The following GMDS variants were observed in gnomAD, a reference collection of about 807,000 sequenced individuals.
The protein encoded by GMDS is GDP-mannose 4,6 dehydratase.
A neutral mutation model predicts 49.9 loss-of-function variants in GMDS; 20 were observed. The ratio of observed to expected loss-of-function variants is 0.40; its 90% CI spans 0.28 to 0.58. GMDS has a LOEUF of 0.58. Among genes scored for constraint, GMDS ranks in the 20% least tolerant of loss-of-function variants. The pLI, the probability that GMDS is intolerant of heterozygous loss-of-function variation, is 0.42. For synonymous variants in GMDS, 177 were observed against 178.6 expected (o/e 0.99, Z 0.07); for missense variants, 362 against 481.4 (o/e 0.75, Z 2.32).
intron 4 of GMDS, among the ~76,000 whole-genome samples, chr6:2,025,864 T>C (rs1400938875): frequency 1.3e-5 from 2 of 152,158 alleles, no homozygotes; most frequent in Admixed American, 1.3e-4. Context: ...TAATCAGCTC[T>C]GTAAATTAGA....
At chr6:2,041,279 G>C (rs1044934853) in intron 4 of GMDS, among the ~76,000 whole-genome samples, 1 of 152,158 alleles carries the variant, frequency 6.6e-6, no homozygotes, top group Non-Finnish European at 1.5e-5. Context: ...AATGCCTAAG[G>C]CAGTACTTGT....
In GMDS at chr6:1,933,605, C is replaced by T. The variant is rs150967940; in HGVS notation, c.644-3375G>A. Among the ~76,000 whole-genome samples the T allele has an allele frequency of 2.4e-3, 364 of 152,350 alleles. 1 individual carries two copies. Among genetic ancestry groups the T allele is most frequent in the Non-Finnish European group, 3.6e-3 (248 of 68,022 alleles). On this transcript the variant is annotated intron_variant, in intron 6 of 10. Coordinates refer to ENST00000380815, the MANE Select transcript of GMDS (RefSeq NM_001500.4). ...CTTATTGTGGTTCCGATGTGTCCTT[C>T]TCAATAACTAATCATATGAAGCAAC...
intron 9 of GMDS, among the ~76,000 whole-genome samples, chr6:1,698,912 G>C (rs981841579): frequency 6.6e-6 from 1 of 151,686 alleles, no homozygotes; most frequent in African/African-American, 2.4e-5. Flanking sequence ...ATTGTGAAGA[G>C]GCAGTGCCAC....
At chr6:2,006,227 G>A (rs2127388212) in intron 4 of GMDS, among the ~76,000 whole-genome samples, 1 of 151,174 alleles carries the variant, frequency 6.6e-6, no homozygotes, top group East Asian at 1.9e-4. Context: ...TTTGAGACTG[G>A]CCTGGGAAAC....
At chr6:2,117,705 A>C (rs1256740689) in intron 2 of GMDS, 149 bp from the exon 3 acceptor site, 3 of 602,224 alleles carry the variant, frequency 5.0e-6, no homozygotes, top group Non-Finnish European at 9.0e-6. Flanking sequence ...CTCCCCAACC[A>C]CTGTCCACCA....
intron 7 of GMDS, among the ~76,000 whole-genome samples, chr6:1,808,231 T>C (rs1314207711): frequency 6.6e-6 from 1 of 152,224 alleles, no homozygotes; most frequent in Non-Finnish European, 1.5e-5. Flanking sequence ...TTTGATCCTA[T>C]TTCTCAGGGC....
intron 1 of GMDS, among the ~76,000 whole-genome samples, chr6:2,186,535 G>C (rs1778788266): frequency 6.6e-6 from 1 of 152,196 alleles, no homozygotes; most frequent in Non-Finnish European, 1.5e-5. Context: ...GTGTTCGCTA[G>C]CCTTTCCATA....
Position 1,635,250 on chromosome 6 carries a change from G to A in GMDS, c.988-10710C>T, listed in dbSNP as rs1763108206. 6.6e-6 allele frequency among the ~76,000 whole-genome samples: 1 copy of A among 152,184 alleles called. No individual in the cohort carries two copies. The highest frequency in any genetic ancestry group is 1.5e-5 in the Non-Finnish European group (1 of 68,032). On this transcript the variant is annotated intron_variant, in intron 9 of 10. Transcript: ENST00000380815. The surrounding 1 kb of genome is among the most constrained non-coding windows in gnomAD (Gnocchi z 4.7). ...AAGTCTGCTTAGCTCTGGGAAAGGG[G>A]CTCCGTTTCACATGTCCTGGCTATG...
At chr6:1,687,987 AC>A (rs1255479766) in intron 9 of GMDS, among the ~76,000 whole-genome samples, 5 of 152,210 alleles carry the variant, frequency 3.3e-5, no homozygotes, top group Admixed American at 1.3e-4. Flanking sequence ...GGTCTCACTT[AC>A]GTAAAAAGTG....
intron 7 of GMDS, among the ~76,000 whole-genome samples, chr6:1,753,468 T>C (rs1237220387): frequency 6.6e-6 from 1 of 152,026 alleles, no homozygotes; most frequent in Non-Finnish European, 1.5e-5. Flanking sequence ...CCACTGTCAA[T>C]ATTAGATCAT....
chr6:1,981,024 T>C (rs866983681), intron 4 of GMDS, among the ~76,000 whole-genome samples: 6 of 152,284 alleles, frequency 3.9e-5, no homozygotes, highest in Middle Eastern at 3.4e-3. Context: ...CCACAATCTC[T>C]GGGACACGGC....
chr6:1,672,781 C>T (rs978767401), intron 9 of GMDS, among the ~76,000 whole-genome samples: 1 of 152,202 alleles, frequency 6.6e-6, no homozygotes, highest in Non-Finnish European at 1.5e-5. Flanking sequence ...ATGCAAAATT[C>T]TGGGGTTAAC....
chr6:2,008,164 A>G (rs757661754), intron 4 of GMDS, among the ~76,000 whole-genome samples: 11 of 152,366 alleles, frequency 7.2e-5, no homozygotes, highest in South Asian at 2.1e-4. Context: ...GTTAAAAATC[A>G]TATCTTTCTC....
At chr6:1,972,735 A>G (rs1165731114) in intron 4 of GMDS, among the ~76,000 whole-genome samples, 2 of 152,232 alleles carry the variant, frequency 1.3e-5, no homozygotes, top group Admixed American at 6.5e-5. Context: ...AGCCATTTCA[A>G]CACGACTATA....
At chr6:1,746,015 A>G (rs1011937976) in intron 7 of GMDS, among the ~76,000 whole-genome samples, 6 of 152,204 alleles carry the variant, frequency 3.9e-5, no homozygotes, top group African/African-American at 7.2e-5. Flanking sequence ...GCCTCCTTAT[A>G]CAGCTGCACA....
rs771154281 is a variant in GMDS at position 2,239,689 on chromosome 6, C to CT, written c.102+5631dup. 2.3e-3 allele frequency among the ~76,000 whole-genome samples: 329 copies of CT among 144,398 alleles called. 2 individuals carry two copies. Among genetic ancestry groups the CT allele is most frequent in the Admixed American group, 2.8e-3 (40 of 14,462 alleles). 94.7% of individuals were successfully genotyped at this position (144,398 alleles called of 152,430 possible). ...TCTCTCACTTCCAATAATGCCAGAC[C>CT]TTTTTTTTTTTTTTGAAATGGAGTC... is the stretch of plus-strand genomic sequence containing the variant. On this transcript the variant is annotated intron_variant, in intron 1 of 10. Coordinates refer to ENST00000380815, the MANE Select transcript of GMDS (RefSeq NM_001500.4).
chr6:2,051,679 G>T (rs562250825), intron 4 of GMDS, among the ~76,000 whole-genome samples: 69 of 152,166 alleles, frequency 4.5e-4, no homozygotes, highest in African/African-American at 1.6e-3. Flanking sequence ...CCCTATTTTT[G>T]TATTCTTTGG....
At chr6:1,852,130 C>G (rs754737642) in intron 7 of GMDS, among the ~76,000 whole-genome samples, 4 of 152,242 alleles carry the variant, frequency 2.6e-5, no homozygotes, top group Non-Finnish European at 5.9e-5. Flanking sequence ...ACAGTGGTCA[C>G]TCCAACCACC....
intron 9 of GMDS, among the ~76,000 whole-genome samples, chr6:1,720,909 G>A (rs138216004): frequency 2.8e-4 from 43 of 152,268 alleles, no homozygotes; most frequent in African/African-American, 9.6e-4. Context: ...GGGGAAGTGT[G>A]AGAAGGTGGT....
Sources: gnomAD v4.1 joint callset for allele counts (sites outside exome capture counted in the v4.1 genomes callset) on GRCh38, gnomAD v4.1.1 for gene constraint, Gnocchi (gnomAD v3.1) non-coding constraint, MANE v1.5 for transcripts, NCBI Gene and HGNC (gene_info 2026-07-23, HGNC 2026-07-21) for gene names.